Variants in TTN observed in about 807,000 individuals in gnomAD.
TTN encodes titin.
TTN carries 1,525 observed loss-of-function variants against 3,223.0 expected under a neutral mutation model. The ratio of observed to expected loss-of-function variants is 0.47; its 90% confidence interval spans 0.45 to 0.49. The LOEUF is 0.49. Ranked by LOEUF, TTN falls within the 20% of genes least tolerant of loss-of-function variation. The probability of loss-of-function intolerance (pLI) is 0.00; values close to 1 mark genes in which losing one functional copy is unlikely to be tolerated. For synonymous variants in TTN, 14,094 were observed against 15,161.0 expected (o/e 0.93, Z 5.17); for missense variants, 40,786 against 43,424.0 (o/e 0.94, Z 5.40).
At position 178,545,615 on chromosome 2, in the gene TTN, T is replaced by G; in HGVS notation, c.95495A>C (p.Glu31832Ala). The stretch of plus-strand genomic sequence containing the variant: ...GCTGATTTCATTGCCACCATCAGAT[T>G]CAGGTTTTGTCCACTGAATGATGAT... ...EHIIIQWTKPESDGGNEISNY... is the reference protein window; with the variant it reads ...EHIIIQWTKPASDGGNEISNY... Residue 31832 changes from glutamate to alanine, a missense_variant, in exon 344 of 363, where the codon GAA becomes GCA. Coordinates refer to ENST00000589042, the MANE Select transcript of TTN (RefSeq NM_001267550.2). 1.2e-6 allele frequency: 2 copies of G among 1,613,792 alleles called. No individual in the cohort carries two copies. Among genetic ancestry groups the G allele is most frequent in the Non-Finnish European group, 1.7e-6 (2 of 1,179,730 alleles).
chr2:178,590,380 C>G lies in TTN; in HGVS notation c.61345G>C (p.Ala20449Pro). The change falls in exon 304 of 363, where the codon GCA (alanine) becomes CCA (proline). Residue 20449 changes from alanine (A) to proline (P), a missense_variant. Ala to Pro is a conservative substitution (Grantham distance 27). Coordinates refer to ENST00000589042, the MANE Select transcript of TTN (RefSeq NM_001267550.2). ...TCACCCTCTCCTACAATATTAGCTG[C>G]CTTTATACGGAATCTGTACTCATTT... The part of the protein sequence containing the change: ...EGNEYRFRIK[A>P]ANIVGEGEPR... 6.3e-7 allele frequency: 1 copy of G among 1,592,220 alleles called. No individual in the cohort carries two copies. The highest frequency in any genetic ancestry group is 8.5e-7 in the Non-Finnish European group (1 of 1,170,108).
In TTN at chr2:178,664,744, G is replaced by T; in HGVS notation, c.36119-7C>A. The T allele has an allele frequency of 6.2e-7, 1 of 1,612,130 alleles. No individual in the cohort carries two copies. Among genetic ancestry groups the T allele is most frequent in the South Asian group, 1.1e-5 (1 of 91,046 alleles). ...TCTTGGAGAGCTTCAGGCACTTTAAGAAATTAGTAGTTTTATGTTTAGTGT... is the reference window on the plus strand; with the variant it reads ...TCTTGGAGAGCTTCAGGCACTTTAATAAATTAGTAGTTTTATGTTTAGTGT... On this transcript the variant is annotated splice_region_variant and splice_polypyrimidine_tract_variant and intron_variant, in intron 166 of 362. Coordinates refer to ENST00000589042, the MANE Select transcript of TTN (RefSeq NM_001267550.2).
chr2:178,597,723 G>C lies in TTN; in HGVS notation c.57359C>G (p.Pro19120Arg). 3.7e-6 allele frequency: 6 copies of C among 1,613,282 alleles called. No individual in the cohort carries two copies. The highest frequency in any genetic ancestry group is 5.1e-6 in the Non-Finnish European group (6 of 1,179,562). ...IRIIAYVSGKPPPTVTWNMNE... is the reference protein window; with the variant it reads ...IRIIAYVSGKRPPTVTWNMNE... ...CATGTTCCAGGTGACGGTTGGAGGA[G>C]GCTTTCCAGACACATAGGCAATGAT... Residue 19120 changes from proline (P) to arginine (R), a missense_variant, in exon 294 of 363, where the codon CCT becomes CGT. Transcript: ENST00000589042.
intron 131 of TTN, 100 bp from the exon 132 acceptor site, chr2:178,684,513 G>A: frequency 2.1e-6 from 3 of 1,399,152 alleles, no homozygotes; most frequent in Non-Finnish European, 2.0e-6. Context: ...GAATTTACAA[G>A]GCACACACAC....
chr2:178,569,908 G>A lies in TTN; in HGVS notation c.76224C>T (p.Pro25408=), dbSNP rs1367895257. Residue 25408 remains proline, a synonymous_variant, in exon 326 of 363, where the codon CCC becomes CCT. Transcript: ENST00000589042. ...KACDPIYKPG[P]PNNPKVIDIT... Reference sequence around the variant, plus strand: ...TGTCTATGACTTTGGGGTTGTTTGGGGGTCCTGGTTTATAAATAGGATCAC... The same window carrying A: ...TGTCTATGACTTTGGGGTTGTTTGGAGGTCCTGGTTTATAAATAGGATCAC... 6.2e-7 allele frequency: 1 copy of A among 1,613,272 alleles called. No individual in the cohort carries two copies. The highest frequency in any genetic ancestry group is 8.5e-7 in the Non-Finnish European group (1 of 1,179,574).
rs878877393 is a variant in TTN, at chr2:178,610,242, A to T, written c.51284T>A (p.Ile17095Lys). 3.1e-6 allele frequency: 5 copies of T among 1,613,022 alleles called. No individual in the cohort carries two copies. Among genetic ancestry groups the T allele is most frequent in the Non-Finnish European group, 4.2e-6 (5 of 1,179,286 alleles). ...TTTGTTCTCACCAGACATGACTGGT[A>T]TATATGTTCTCCTCCCAGCTTCTCT... ...ERREAGRRTYIPVMSGENKLS... is the reference protein window; with the variant it reads ...ERREAGRRTYKPVMSGENKLS... The change falls in exon 271 of 363, where the codon ATA becomes AAA. Residue 17095 changes from isoleucine (I) to lysine (K), a missense_variant. Physicochemically the swap from Ile to Lys is moderately radical, Grantham distance 102 (BLOSUM62 -3). Coordinates refer to ENST00000589042, the MANE Select transcript of TTN (RefSeq NM_001267550.2).
Position 178,710,651 on chromosome 2 carries a change from A to G in TTN, c.28446T>C (p.Ala9482=), listed in dbSNP as rs1270390229. The G allele has an allele frequency of 5.7e-5, 91 of 1,609,960 alleles. No homozygotes were observed. Among genetic ancestry groups the G allele is most frequent in the Non-Finnish European group, 7.2e-5 (85 of 1,177,752 alleles). Residue 9482 remains alanine, a synonymous_variant, in exon 98 of 363, where the codon GCT becomes GCC. Transcript: ENST00000589042. ...AAACGATACCTTTTATATTCAGCTGAGCTGTGCAAGAGTCTTTTCCCACTT... is the reference window on the plus strand; with the variant it reads ...AAACGATACCTTTTATATTCAGCTGGGCTGTGCAAGAGTCTTTTCCCACTT... ...VNEVGKDSCT[A]QLNIKERLIP...
chr2:178,601,115 G>A lies in TTN; in HGVS notation c.55789C>T (p.His18597Tyr), dbSNP rs1285092776. The change falls in exon 288 of 363, where the codon CAT becomes TAT. Residue 18597 changes from histidine to tyrosine, a missense_variant. By Grantham distance (83) the His-to-Tyr change is moderately conservative. Transcript: ENST00000589042. ...KIGLITKNTV[H>Y]LSWKPPKNDG... ...TTCTTCGGGGGTTTCCATGACAGAT[G>A]CACTGTGTTCTTTGTGATGAGGCCA... The A allele has an allele frequency of 1.9e-6, 3 of 1,589,104 alleles. No homozygotes were observed. Among genetic ancestry groups the A allele is most frequent in the Admixed American group, 1.8e-5 (1 of 56,902 alleles).
chr2:178,684,878 C>A, intron 130 of TTN, 28 bp downstream of exon 130: 1 of 1,572,250 alleles, frequency 6.4e-7, no homozygotes, highest in South Asian at 1.2e-5. Flanking sequence ...AAAAGACAGT[C>A]TTGAGAATAA....
intron 47 of TTN, chr2:178,748,497 G>C: frequency 6.2e-7 from 1 of 1,612,894 alleles, no homozygotes; most frequent in Non-Finnish European, 8.5e-7. Context: ...CTAGTTTCTT[G>C]CCCTTGGAAC....
At chr2:178,785,135 ATCCAACCCGAC>A (rs1209254477) in intron 15 of TTN, among the ~76,000 whole-genome samples, 1 of 152,162 alleles carries the variant, frequency 6.6e-6, no homozygotes, top group Non-Finnish European at 1.5e-5. Flanking sequence ...TGATTCCACA[ATCCAACCCGAC>A]CACCATACAG....
Position 178,612,120 on chromosome 2 carries a change from G to A in TTN, c.50291C>T (p.Thr16764Ile), listed in dbSNP as rs748125248. 1.9e-6 allele frequency: 3 copies of A among 1,611,972 alleles called. No individual in the cohort carries two copies. The South Asian group carries it at 3.3e-5, about 18-fold the overall frequency. The change falls in exon 267 of 363, where the codon ACA becomes ATA. Residue 16764 changes from threonine (T) to isoleucine (I), a missense_variant. Transcript: ENST00000589042. The part of the protein sequence containing the change: ...PPYALAVVDV[T>I]KRHVDLKWEP... ...CCACTTTAGGTCAACATGTCGTTTT[G>A]TCACATCAACCACTGCCAGGGCGTA... is the stretch of plus-strand genomic sequence containing the variant.
In TTN at chr2:178,774,314, C is replaced by T. The variant is rs764882950; in HGVS notation, c.6950G>A (p.Arg2317His). 2.7e-5 allele frequency: 44 copies of T among 1,614,044 alleles called. No homozygotes were observed. The Admixed American group carries it at 2.8e-4, about 10-fold the overall frequency. Residue 2317 changes from arginine to histidine, a missense_variant, in exon 30 of 363, where the codon CGT becomes CAT. Arg to His is a conservative substitution (Grantham distance 29, BLOSUM62 0). Transcript: ENST00000589042. ...KSNGKYTITS[R>H]RGRQNLTVKD... Reference sequence around the variant, plus strand: ...GACCGTGAGGTTCTGACGTCCACGACGAGATGTAATTGTATATTTGCCATT... The same window carrying T: ...GACCGTGAGGTTCTGACGTCCACGATGAGATGTAATTGTATATTTGCCATT...
At chr2:178,737,106 TAGAG>T (rs915374039) in intron 49 of TTN, among the ~76,000 whole-genome samples, 2 of 145,872 alleles carry the variant, frequency 1.4e-5, no homozygotes, top group African/African-American at 5.1e-5. Context: ...GAAAGAAAGA[TAGAG>T]AGGAGGGAGG....
At chr2:178,639,970 CTATCTTT>C in intron 222 of TTN, 71 bp downstream of exon 222, 1 of 1,547,030 alleles carries the variant, frequency 6.5e-7, no homozygotes, top group Non-Finnish European at 8.8e-7. Flanking sequence ...CTTTCACCTA[CTATCTTT>C]TATTAAGTAC....
At position 178,558,066 on chromosome 2, in the gene TTN, A is replaced by G. The variant is rs1702194525; in HGVS notation, c.87288T>C (p.Thr29096=). ...KATMRFNTEI[T]AENLTINLKE... ...TGAGATTGATGGTCAGGTTCTCAGC[A>G]GTAATTTCGGTATTAAATCTCATGG... The change falls in exon 328 of 363, where the codon ACT becomes ACC. Residue 29096 remains threonine (T), a synonymous_variant. Transcript: ENST00000589042. 6.2e-7 allele frequency: 1 copy of G among 1,613,968 alleles called. No homozygotes were observed.
chr2:178,672,429 C>T lies in TTN; in HGVS notation c.34908G>A (p.Lys11636=). Residue 11636 remains lysine, a synonymous_variant, in exon 154 of 363, where the codon AAG becomes AAA. Coordinates refer to ENST00000589042, the MANE Select transcript of TTN (RefSeq NM_001267550.2). ...TACCTTTAGCTGGGGGAACAGCTTCCTTTTTAGGCACAAGGACTTTCTTTT... is the reference window on the plus strand; with the variant it reads ...TACCTTTAGCTGGGGGAACAGCTTCTTTTTTAGGCACAAGGACTTTCTTTT... ...VPEKKVLVPK[K]EAVPPAKGRT... 1.9e-6 allele frequency: 3 copies of T among 1,600,596 alleles called. No individual in the cohort carries two copies. Among genetic ancestry groups the T allele is most frequent in the Non-Finnish European group, 2.6e-6 (3 of 1,176,380 alleles).
At position 178,550,663 on chromosome 2, in the gene TTN, A is replaced by G. The variant is rs547018397; in HGVS notation, c.91564+304T>C. On this transcript the variant is annotated intron_variant, in intron 336 of 362. Transcript: ENST00000589042. ...TTGTATTTTAATAACTTCAGTAAAG[A>G]TGGACACTTATTCTCGAGAACCTTT... 181 of 435,256 alleles carry G rather than the reference A, an allele frequency of 4.2e-4. 1 individual carries two copies. The highest frequency in any genetic ancestry group is 6.4e-4 in the Non-Finnish European group (157 of 244,908). The allele number at this position is 435,256 out of a possible 1,614,324, so 27.0% of individuals were successfully genotyped here. A position where few individuals can be genotyped will look rare whatever the true frequency, so the allele number is the denominator to read the frequency against.
chr2:178,555,375 T>C (rs555319605), intron 330 of TTN: 3 of 493,948 alleles, frequency 6.1e-6, no homozygotes, highest in East Asian at 7.3e-5. Context: ...TTAAGCACCT[T>C]TTACATGTGT....
Sources: gnomAD v4.1 joint callset for allele counts (sites outside exome capture counted in the v4.1 genomes callset) on GRCh38, gnomAD v4.1.1 for gene constraint, MANE v1.5 for transcripts, NCBI Gene and HGNC (gene_info 2026-07-23, HGNC 2026-07-21) for gene names.